BSDC1: variants seen among roughly 807,000 people sequenced by gnomAD.
BSDC1 encodes the protein BSD domain containing 1.
A neutral mutation model predicts 56.0 loss-of-function variants in BSDC1; 29 were observed. The observed-to-expected ratio is 0.52, with a 90% CI of 0.39 to 0.71. The LOEUF (loss-of-function observed/expected upper bound fraction) is 0.71. Ranked by LOEUF, BSDC1 falls within the 30% of genes least tolerant of loss-of-function variation. The pLI, the probability that BSDC1 is intolerant of heterozygous loss-of-function variation, is 0.00. For missense variants in BSDC1, 477 were observed against 548.5 expected, an observed-to-expected ratio of 0.87 and a Z score of 1.30; for synonymous variants, 210 against 215.3, an observed-to-expected ratio of 0.98 and a Z score of 0.21.
At chr1:32,390,897 T>C (rs1466472055) in intron 2 of BSDC1, among the ~76,000 whole-genome samples, 2 of 152,004 alleles carry the variant, frequency 1.3e-5, no homozygotes, top group African/African-American at 4.8e-5. Context: ...GGTGACAAAG[T>C]GAGAGCCCAT....
At chr1:32,390,981 A>G (rs545958361) in intron 2 of BSDC1, among the ~76,000 whole-genome samples, 2 of 152,074 alleles carry the variant, frequency 1.3e-5, no homozygotes, top group Non-Finnish European at 2.9e-5. Context: ...GAAAGTGGAG[A>G]AGGTGACCCA....
chr1:32,382,819 G>A (rs1489394203), intron 4 of BSDC1, among the ~76,000 whole-genome samples: 1 of 147,826 alleles, frequency 6.8e-6, no homozygotes, highest in African/African-American at 2.5e-5. Context: ...GCAGTGAGCT[G>A]GGATCATGCC....
At position 32,381,249 on chromosome 1, in the gene BSDC1, T is replaced by C. The variant is rs866573823; in HGVS notation, c.377A>G (p.Gln126Arg). ...ATTACAGTAGGTTGCTGGGTCCGAC[T>C]GCAGGCTATAGAGGCGAGCCTGTAA... ...DGTKARLYSLQSDPATYCNEP... is the reference protein window; with the variant it reads ...DGTKARLYSLRSDPATYCNEP... Residue 126 changes from glutamine to arginine, a missense_variant, in exon 5 of 11, where the codon CAG (glutamine) becomes CGG (arginine). Coordinates refer to ENST00000455895, the MANE Select transcript of BSDC1 (RefSeq NM_018045.8). 4 of 1,613,742 alleles carry C rather than the reference T, an allele frequency of 2.5e-6. No homozygotes were observed. The East Asian group carries it at 8.9e-5, about 36-fold the overall frequency.
At chr1:32,392,057 C>T (rs567896073) in intron 2 of BSDC1, among the ~76,000 whole-genome samples, 6 of 152,244 alleles carry the variant, frequency 3.9e-5, no homozygotes, top group East Asian at 1.9e-4. Flanking sequence ...AGAGGCCAGG[C>T]GTGGTGGCTC....
chr1:32,388,827 T>C (rs934617307), intron 2 of BSDC1, among the ~76,000 whole-genome samples: 20 of 152,242 alleles, frequency 1.3e-4, no homozygotes, highest in Admixed American at 3.3e-4. Context: ...GTAAACACGA[T>C]GAAGGAACCC....
intron 3 of BSDC1, among the ~76,000 whole-genome samples, chr1:32,385,657 G>T (rs955671480): frequency 1.4e-4 from 21 of 152,022 alleles, no homozygotes; most frequent in Non-Finnish European, 2.9e-4. Context: ...AGCCCAGGAG[G>T]CAAAGGTTGC....
chr1:32,368,768 G>A (rs902157107), intron 9 of BSDC1, among the ~76,000 whole-genome samples: 8 of 151,704 alleles, frequency 5.3e-5, no homozygotes, highest in Non-Finnish European at 8.8e-5. Flanking sequence ...GTGTGATCCC[G>A]GCCCACTGCA....
chr1:32,382,867 C>CAAAAAA (rs760141230), intron 4 of BSDC1, among the ~76,000 whole-genome samples: 18 of 46,750 alleles, frequency 3.9e-4, no homozygotes, highest in East Asian at 7.6e-4. Context: ...GAGACCGTCT[C>CAAAAAA]AAAAAAAAAA....
intron 5 of BSDC1, among the ~76,000 whole-genome samples, chr1:32,380,628 A>G (rs1319258559): frequency 6.6e-6 from 1 of 152,208 alleles, no homozygotes; most frequent in East Asian, 1.9e-4. Context: ...CCTGGGAGAC[A>G]GGGTGAGACT....
At chr1:32,386,990 A>C in intron 2 of BSDC1, 95 bp from the exon 3 acceptor site, 1 of 941,680 alleles carries the variant, frequency 1.1e-6, no homozygotes, top group Non-Finnish European at 1.7e-6. Context: ...AGACAAATGG[A>C]AATCTCCAGC....
intron 9 of BSDC1, chr1:32,374,738 T>A (rs1321851868): frequency 1.3e-5 from 2 of 152,320 alleles, no homozygotes; most frequent in Non-Finnish European, 2.9e-5. Flanking sequence ...GCACCGCAGA[T>A]GTCCAGAGAT....
intron 1 of BSDC1, 59 bp downstream of exon 1, chr1:32,394,345 G>C (rs983411294): frequency 6.2e-7 from 1 of 1,613,454 alleles, no homozygotes; most frequent in African/African-American, 1.3e-5. Flanking sequence ...CTCTCGCCCA[G>C]CACCCCAACC....
chr1:32,385,701 T>G (rs1642639270), intron 3 of BSDC1, among the ~76,000 whole-genome samples: 1 of 152,198 alleles, frequency 6.6e-6, no homozygotes, highest in South Asian at 2.1e-4. Flanking sequence ...CACTCCAGCC[T>G]GGGCAAGAGA....
chr1:32,388,929 C>T (rs1294053122), intron 2 of BSDC1, among the ~76,000 whole-genome samples: 1 of 151,976 alleles, frequency 6.6e-6, no homozygotes, highest in Admixed American at 6.6e-5. Flanking sequence ...AGCTGGCTCT[C>T]CCTGCTTTAT....
At chr1:32,391,781 C>T (rs1014397238) in intron 2 of BSDC1, among the ~76,000 whole-genome samples, 2 of 151,872 alleles carry the variant, frequency 1.3e-5, no homozygotes, top group Admixed American at 1.3e-4. Context: ...CAGAATGGGA[C>T]ATACAGATAG....
At chr1:32,388,653 C>T (rs1219174509) in intron 2 of BSDC1, among the ~76,000 whole-genome samples, 1 of 152,192 alleles carries the variant, frequency 6.6e-6, no homozygotes, top group Non-Finnish European at 1.5e-5. Context: ...TATAACTTGG[C>T]CTCTGGCAGA....
At chr1:32,376,845 C>T in intron 8 of BSDC1, 104 bp from the exon 9 acceptor site, 1 of 1,240,654 alleles carries the variant, frequency 8.1e-7, no homozygotes. Flanking sequence ...CTGATCAAGA[C>T]TCAAGCCGGG....
chr1:32,389,784 CCACACACACACACA>C (rs58560406), intron 2 of BSDC1, among the ~76,000 whole-genome samples: 2 of 145,984 alleles, frequency 1.4e-5, no homozygotes, highest in Non-Finnish European at 3.0e-5. Context: ...AAAACCGTCT[CCACACACACACACA>C]CACACACACA....
intron 10 of BSDC1, chr1:32,367,695 G>T (rs775588191): frequency 7.1e-6 from 7 of 984,890 alleles, no homozygotes; most frequent in Non-Finnish European, 8.4e-6. Flanking sequence ...ATTCTGAGAG[G>T]TAGTGAAGAA....
Sources: gnomAD v4.1 joint callset for allele counts (sites outside exome capture counted in the v4.1 genomes callset) on GRCh38, gnomAD v4.1.1 for gene constraint, MANE v1.5 for transcripts, NCBI Gene and HGNC (gene_info 2026-07-23, HGNC 2026-07-21) for gene names.